The following SIK3 variants were observed in gnomAD, a reference collection of about 807,000 sequenced individuals.
SIK3 encodes serine/threonine-protein kinase SIK3.
A neutral mutation model predicts 144.2 loss-of-function variants in SIK3; 28 were observed. The observed-to-expected ratio is 0.19, with a 90% CI of 0.14 to 0.27. The LOEUF (loss-of-function observed/expected upper bound fraction) is 0.27. SIK3 is among the 10% of genes least tolerant of loss of function. SIK3 has a pLI of 1.00. For missense variants in SIK3, 1,319 were observed against 1,776.0 expected (o/e 0.74, Z 4.62); for synonymous variants, 686 against 676.3 (o/e 1.01, Z -0.22).
chr11:116,916,512 AT>A (rs372061347), intron 4 of SIK3, among the ~76,000 whole-genome samples: 457 of 141,276 alleles, frequency 3.2e-3, no homozygotes, highest in African/African-American at 4.8e-3. Context: ...ATCACATCAA[AT>A]TTTTTTTTTT....
At chr11:116,996,133 C>G (rs1161789273) in intron 1 of SIK3, among the ~76,000 whole-genome samples, 2 of 152,064 alleles carry the variant, frequency 1.3e-5, no homozygotes, top group African/African-American at 4.8e-5. Context: ...CATGGCAAAA[C>G]CCTGTCTCTA....
At chr11:116,961,596 G>GA (rs1175998804) in intron 1 of SIK3, among the ~76,000 whole-genome samples, 25 of 152,282 alleles carry the variant, frequency 1.6e-4, no homozygotes, top group African/African-American at 6.0e-4. Flanking sequence ...TATTGGGGTT[G>GA]AAAATCTATA....
Position 116,849,171 on chromosome 11 carries a change from C to T in SIK3, c.3768G>A (p.Arg1256=). 6.2e-7 allele frequency: 1 copy of T among 1,613,682 alleles called. No individual in the cohort carries two copies. The highest frequency in any genetic ancestry group is 1.1e-5 in the South Asian group (1 of 91,052). ...PARPSVHEHH[R]PRALQRHHTI... Reference sequence around the variant, plus strand: ...TGTGGTGTCTCTGGAGGGCCCGGGGCCTGTGGTGCTCATGGACGGAGGGGC... The same window carrying T: ...TGTGGTGTCTCTGGAGGGCCCGGGGTCTGTGGTGCTCATGGACGGAGGGGC... The change falls in exon 22 of 25, where the codon AGG becomes AGA. Residue 1256 remains arginine, a synonymous_variant. Coordinates refer to ENST00000445177, the MANE Select transcript of SIK3 (RefSeq NM_001366686.3). The surrounding 1 kb of genome is among the most constrained non-coding windows in gnomAD (Gnocchi z 4.2).
chr11:117,054,147 G>C (rs17120252), intron 1 of SIK3, among the ~76,000 whole-genome samples: 5,751 of 152,254 alleles, frequency 0.038, 328 homozygotes, highest in African/African-American at 0.13. Context: ...GAGCGTAGAA[G>C]ATATATTTGA....
At chr11:116,918,063 T>C (rs1219901375) in intron 4 of SIK3, among the ~76,000 whole-genome samples, 1 of 152,206 alleles carries the variant, frequency 6.6e-6, no homozygotes, top group Non-Finnish European at 1.5e-5. Flanking sequence ...GTTTTATTTA[T>C]ATTTTGTTTT....
intron 1 of SIK3, among the ~76,000 whole-genome samples, chr11:117,034,000 T>C (rs984028622): frequency 3.3e-5 from 5 of 152,192 alleles, no homozygotes; most frequent in Admixed American, 3.3e-4. Context: ...GTTCTTCATA[T>C]GTTTAATGAA....
At chr11:116,955,955 T>TAG (rs142360084) in intron 2 of SIK3, among the ~76,000 whole-genome samples, 11,162 of 152,240 alleles carry the variant, frequency 0.073, 738 homozygotes, top group African/African-American at 0.18. Flanking sequence ...AGCTTGCCCA[T>TAG]AGAGCCTTGG....
chr11:117,058,742 G>A (rs1485688412), intron 1 of SIK3, among the ~76,000 whole-genome samples: 2 of 152,150 alleles, frequency 1.3e-5, no homozygotes, highest in Non-Finnish European at 2.9e-5. Context: ...AAACAAGTGA[G>A]AAAACTACTA....
chr11:116,884,100 TA>T (rs1231191052), intron 6 of SIK3, among the ~76,000 whole-genome samples: 4 of 152,170 alleles, frequency 2.6e-5, no homozygotes, highest in African/African-American at 4.8e-5. Flanking sequence ...ACAATGGTGT[TA>T]TAAGGATTGG....
chr11:116,910,237 G>A (rs893694321), intron 4 of SIK3, among the ~76,000 whole-genome samples: 10 of 151,340 alleles, frequency 6.6e-5, no homozygotes, highest in Middle Eastern at 3.4e-3. Flanking sequence ...AGCTGTTAAC[G>A]AAGAACACTA....
intron 1 of SIK3, among the ~76,000 whole-genome samples, chr11:117,065,898 G>C (rs1033154053): frequency 1.3e-5 from 2 of 151,964 alleles, no homozygotes; most frequent in African/African-American, 4.8e-5. Context: ...CCAAAGTGCT[G>C]CACAATTACA....
At chr11:116,877,671 T>C (rs752747895) in intron 6 of SIK3, among the ~76,000 whole-genome samples, 8 of 152,236 alleles carry the variant, frequency 5.3e-5, no homozygotes, top group Non-Finnish European at 7.3e-5. Flanking sequence ...TTCAGATCTA[T>C]AGAAATTTTT....
chr11:116,915,124 ATGTGTGTGTGTGTGTGTG>A (rs35059138), intron 4 of SIK3, among the ~76,000 whole-genome samples: 2 of 129,928 alleles, frequency 1.5e-5, no homozygotes, highest in Non-Finnish European at 1.6e-5. Context: ...GAAGCCATAT[ATGTGTGTGTGTGTGTGTG>A]TGTGTGTGTG....
At chr11:117,024,363 A>G (rs922607614) in intron 1 of SIK3, among the ~76,000 whole-genome samples, 6 of 151,812 alleles carry the variant, frequency 4.0e-5, no homozygotes, top group African/African-American at 1.5e-4. Flanking sequence ...GCATAAATAT[A>G]CTAATAATAA....
chr11:116,907,804 A>G (rs1270703492), intron 4 of SIK3, among the ~76,000 whole-genome samples: 1 of 152,166 alleles, frequency 6.6e-6, no homozygotes, highest in Non-Finnish European at 1.5e-5. Flanking sequence ...CATGCATAGA[A>G]AAGAATGGTA....
chr11:117,037,426 CA>C (rs1952555770), intron 1 of SIK3, among the ~76,000 whole-genome samples: 1 of 152,034 alleles, frequency 6.6e-6, no homozygotes, highest in African/African-American at 2.4e-5. Context: ...TATCAGAAAG[CA>C]AAACAAGACT....
rs756103530 is a variant in SIK3, at chr11:116,861,354, G to T, written c.2345C>A (p.Pro782His). Residue 782 changes from proline to histidine, a missense_variant, in exon 19 of 25, where the codon CCC (proline) becomes CAC (histidine). Physicochemically the swap from Pro to His is moderately conservative, Grantham distance 77 (BLOSUM62 -2). Transcript: ENST00000445177. ...RLRIQPSSPP[P>H]NHPNNHLFRQ... ...GAAGAGATGGTTGTTGGGGTGGTTG[G>T]GGGGTGGGCTTGAAGGCTGAATCCT... 32 of 1,597,548 alleles carry T rather than the reference G, an allele frequency of 2.0e-5. No individual in the cohort carries two copies. The highest frequency in any genetic ancestry group is 5.5e-5 in the African/African-American group (4 of 73,366).
chr11:117,080,385 A>G (rs994703542), intron 1 of SIK3, among the ~76,000 whole-genome samples: 1 of 152,216 alleles, frequency 6.6e-6, no homozygotes, highest in Non-Finnish European at 1.5e-5. Context: ...CTAGTAAATT[A>G]TTCTATACAA....
chr11:116,858,564 G>A lies in SIK3; in HGVS notation c.2901C>T (p.Ala967=). The A allele has an allele frequency of 2.5e-6, 4 of 1,613,846 alleles. No individual in the cohort carries two copies. The highest frequency in any genetic ancestry group is 3.4e-6 in the Non-Finnish European group (4 of 1,179,942). ...STGVGFSPTQ[A]LKVPPLDQFP... ...ATTGGTCAAGTGGAGGGACTTTCAG[G>A]GCTTGGGTTGGAGAGAACCCCACTC... is the stretch of plus-strand genomic sequence containing the variant. Residue 967 remains alanine, a synonymous_variant, in exon 21 of 25, where the codon GCC becomes GCT. Coordinates refer to ENST00000445177, the MANE Select transcript of SIK3 (RefSeq NM_001366686.3). This position sits in a 1 kb window ranked among gnomAD's most constrained non-coding sequence, Gnocchi z 5.4.
Sources: gnomAD v4.1 joint callset for allele counts (sites outside exome capture counted in the v4.1 genomes callset) on GRCh38, gnomAD v4.1.1 for gene constraint, Gnocchi (gnomAD v3.1) non-coding constraint, MANE v1.5 for transcripts, NCBI Gene and HGNC (gene_info 2026-07-23, HGNC 2026-07-21) for gene names.